Variants in PRDM16 observed in about 807,000 individuals in gnomAD.
PRDM16 encodes PR/SET domain 16.
In PRDM16, 23 loss-of-function variants were observed where a neutral mutation model predicts 110.6. The ratio of observed to expected loss-of-function variants is 0.21; its 90% CI spans 0.15 to 0.29. The LOEUF is 0.29. Ranked by LOEUF, PRDM16 falls within the 10% of genes least tolerant of loss-of-function variation. PRDM16 has a pLI of 1.00. For synonymous variants in PRDM16, 799 were observed against 781.8 expected (o/e 1.02, Z -0.37); for missense variants, 1,615 against 1,794.3 (o/e 0.90, Z 1.81).
intron 3 of PRDM16, among the ~76,000 whole-genome samples, chr1:3,248,327 C>T (rs558484123): frequency 3.3e-4 from 51 of 152,298 alleles, no homozygotes; most frequent in African/African-American, 1.2e-3. Context: ...ATCGTGTTTT[C>T]CTTCCCCCTC....
At chr1:3,340,980 C>T (rs1323411619) in intron 3 of PRDM16, among the ~76,000 whole-genome samples, 1 of 152,176 alleles carries the variant, frequency 6.6e-6, no homozygotes, top group African/African-American at 2.4e-5. Flanking sequence ...GCGCACCTTC[C>T]CTCGGGCTGT....
At chr1:3,256,662 T>C (rs1427034574) in intron 3 of PRDM16, among the ~76,000 whole-genome samples, 2 of 152,118 alleles carry the variant, frequency 1.3e-5, no homozygotes, top group African/African-American at 4.8e-5. Context: ...ATCAAGACCA[T>C]CCTGGCTAAC....
chr1:3,130,107 C>T (rs371039173), intron 1 of PRDM16, among the ~76,000 whole-genome samples: 12 of 152,148 alleles, frequency 7.9e-5, no homozygotes, highest in South Asian at 2.1e-4. Context: ...TCCTGGGCTG[C>T]GTGCTCAGTG....
chr1:3,299,620 C>G (rs1014323996), intron 3 of PRDM16, among the ~76,000 whole-genome samples: 2 of 126,784 alleles, frequency 1.6e-5, no homozygotes, highest in African/African-American at 6.0e-5. Context: ...GTTTCAGATC[C>G]CAGTCATGGT....
intron 3 of PRDM16, among the ~76,000 whole-genome samples, chr1:3,280,169 G>T (rs1640682179): frequency 6.6e-6 from 1 of 152,168 alleles, no homozygotes; most frequent in African/African-American, 2.4e-5. Flanking sequence ...GTAGGGGGTG[G>T]CTGCCCCGAG....
intron 2 of PRDM16, among the ~76,000 whole-genome samples, chr1:3,197,522 A>G (rs1394557945): frequency 6.6e-6 from 1 of 152,260 alleles, no homozygotes; most frequent in Non-Finnish European, 1.5e-5. Flanking sequence ...GGTCCCTGCA[A>G]GGCTGTGCCG....
intron 1 of PRDM16, among the ~76,000 whole-genome samples, chr1:3,090,619 CCTGA>C (rs1203884893): frequency 6.6e-6 from 1 of 152,242 alleles, no homozygotes; most frequent in East Asian, 1.9e-4. Flanking sequence ...GGGCTTCTCA[CCTGA>C]CTCTGTCCCT....
intron 3 of PRDM16, among the ~76,000 whole-genome samples, chr1:3,319,932 C>T (rs1185298407): frequency 6.6e-6 from 1 of 152,224 alleles, no homozygotes; most frequent in African/African-American, 2.4e-5. Context: ...GCCTCTGGGG[C>T]TCACAGCTGT....
chr1:3,105,513 G>A (rs910227858), intron 1 of PRDM16, among the ~76,000 whole-genome samples: 3 of 152,234 alleles, frequency 2.0e-5, no homozygotes, highest in Non-Finnish European at 4.4e-5. Context: ...ACGGTCACCG[G>A]TCTGGACCCC....
chr1:3,199,282 G>T lies in PRDM16; in HGVS notation c.387+12808G>T, dbSNP rs1393063. On this transcript the variant is annotated intron_variant, in intron 2 of 16. Transcript: ENST00000270722. ...ATAGCCAGGTGTCCCCCAAAGAGCG[G>T]TGGGGGTCTCAGGGCCTGGGGCAGG... Among the ~76,000 whole-genome samples, 159 of 70,418 alleles carry T rather than the reference G, an allele frequency of 2.3e-3. 1 individual carries two copies. In the African/African-American group the frequency reaches 0.077, roughly 34 times the overall value. 46.2% of individuals were successfully genotyped at this position (70,418 alleles called of 152,430 possible).
At chr1:3,077,351 G>A (rs1358227744) in intron 1 of PRDM16, among the ~76,000 whole-genome samples, 1 of 152,144 alleles carries the variant, frequency 6.6e-6, no homozygotes, top group Admixed American at 6.5e-5. Flanking sequence ...CCAGCCCCAC[G>A]CTGGCCTGGG....
intron 2 of PRDM16, among the ~76,000 whole-genome samples, chr1:3,240,426 G>T (rs1158664288): frequency 6.8e-6 from 1 of 146,712 alleles, no homozygotes. Flanking sequence ...AAAAAAAACA[G>T]AAAAAGAAGA....
At chr1:3,210,425 G>T (rs1638856103) in intron 2 of PRDM16, among the ~76,000 whole-genome samples, 2 of 152,260 alleles carry the variant, frequency 1.3e-5, no homozygotes, top group Non-Finnish European at 2.9e-5. Context: ...CAGGCTCCCA[G>T]CTGGAACCAC....
chr1:3,297,724 A>G lies in PRDM16; in HGVS notation c.438+53587A>G, dbSNP rs115600719. On this transcript the variant is annotated intron_variant, in intron 3 of 16. Transcript: ENST00000270722. ...CACCAGGCCGACTCCTGCCCACAAC[A>G]CCACAGTCTGGAGCGGCAGGAAACA... Among the ~76,000 whole-genome samples, 897 of 152,134 alleles carry G rather than the reference A, an allele frequency of 5.9e-3. 9 individuals are homozygous for G. The highest frequency in any genetic ancestry group is 0.019 in the African/African-American group (802 of 41,506).
chr1:3,099,849 A>T (rs946062749), intron 1 of PRDM16, among the ~76,000 whole-genome samples: 2 of 152,000 alleles, frequency 1.3e-5, no homozygotes, highest in Admixed American at 6.6e-5. Flanking sequence ...GGAGTGGGTG[A>T]GATGGCGCCC....
intron 3 of PRDM16, among the ~76,000 whole-genome samples, chr1:3,374,491 GTC>G (rs922652396): frequency 3.9e-5 from 6 of 152,194 alleles, no homozygotes; most frequent in Non-Finnish European, 8.8e-5. Flanking sequence ...CCAGAGGAAG[GTC>G]CAAGGACTCC....
chr1:3,411,373 T>C lies in PRDM16; in HGVS notation c.1187-11T>C. On this transcript the variant is annotated splice_polypyrimidine_tract_variant and intron_variant, in intron 8 of 16. Coordinates refer to ENST00000270722, the MANE Select transcript of PRDM16 (RefSeq NM_022114.4). ...CATGCGGGTTTGTCTTGGCTTCTGC[T>C]GATGTTTTAGGTGAGGTCTGCCACA... The C allele has an allele frequency of 6.3e-7, 1 of 1,593,566 alleles. No homozygotes were observed. The highest frequency in any genetic ancestry group is 1.1e-5 in the South Asian group (1 of 90,348).
intron 2 of PRDM16, among the ~76,000 whole-genome samples, chr1:3,221,281 G>A (rs12068579): frequency 0.097 from 14,791 of 152,280 alleles, 978 homozygotes; most frequent in African/African-American, 0.18. Flanking sequence ...TGGGCCTCCC[G>A]GTTCCAGCGC....
intron 1 of PRDM16, among the ~76,000 whole-genome samples, chr1:3,113,795 C>A (rs968311668): frequency 6.6e-6 from 1 of 152,256 alleles, no homozygotes; most frequent in African/African-American, 2.4e-5. Flanking sequence ...TGCATCCTGG[C>A]AGGGAGGCCC....
Sources: gnomAD v4.1 joint callset for allele counts (sites outside exome capture counted in the v4.1 genomes callset) on GRCh38, gnomAD v4.1.1 for gene constraint, MANE v1.5 for transcripts, NCBI Gene and HGNC (gene_info 2026-07-23, HGNC 2026-07-21) for gene names.